Variants in FNBP1 observed in about 807,000 individuals in gnomAD.
FNBP1 encodes the protein formin-binding protein 1.
A neutral mutation model predicts 90.6 loss-of-function variants in FNBP1; 26 were observed. The observed-to-expected ratio is 0.29, with a 90% CI of 0.21 to 0.40. The LOEUF is 0.40. Ranked by LOEUF, FNBP1 falls within the 10% of genes least tolerant of loss-of-function variation. The probability of loss-of-function intolerance (pLI) is 1.00; values close to 1 mark genes in which losing one functional copy is unlikely to be tolerated. For missense variants in FNBP1, 635 were observed against 768.0 expected, an observed-to-expected ratio of 0.83 and a Z score of 2.05; for synonymous variants, 260 against 265.2, an observed-to-expected ratio of 0.98 and a Z score of 0.19.
At chr9:130,022,058 C>A (rs1589316229) in intron 1 of FNBP1, among the ~76,000 whole-genome samples, 1 of 152,120 alleles carries the variant, frequency 6.6e-6, no homozygotes, top group Admixed American at 6.6e-5. Flanking sequence ...AAGGTCTCAC[C>A]ATGTTGGCCA....
chr9:129,968,973 TCA>T (rs2049026769), intron 4 of FNBP1, among the ~76,000 whole-genome samples: 2 of 152,202 alleles, frequency 1.3e-5, no homozygotes, highest in African/African-American at 4.8e-5. Context: ...CACAAATTTC[TCA>T]TATATGATTA....
chr9:130,026,010 T>C (rs2058306180), intron 1 of FNBP1, among the ~76,000 whole-genome samples: 1 of 152,198 alleles, frequency 6.6e-6, no homozygotes, highest in Non-Finnish European at 1.5e-5. Context: ...CTAGTAGAGT[T>C]TATTTCGCAT....
At chr9:129,968,619 T>C (rs1240762155) in intron 4 of FNBP1, among the ~76,000 whole-genome samples, 2 of 152,196 alleles carry the variant, frequency 1.3e-5, no homozygotes, top group African/African-American at 2.4e-5. Flanking sequence ...TAGGACCTAT[T>C]GAATATCTAA....
intron 1 of FNBP1, among the ~76,000 whole-genome samples, chr9:130,020,663 T>A (rs1296610193): frequency 6.6e-6 from 1 of 152,162 alleles, no homozygotes; most frequent in Non-Finnish European, 1.5e-5. Flanking sequence ...CAACAAAAGT[T>A]ACCAATAGAA....
intron 1 of FNBP1, among the ~76,000 whole-genome samples, chr9:130,035,775 C>T (rs899178605): frequency 6.6e-6 from 1 of 152,080 alleles, no homozygotes; most frequent in African/African-American, 2.4e-5. Context: ...GGTGAAATCC[C>T]ATTTCTACTA....
At chr9:129,896,789 G>A (rs1050622996) in intron 15 of FNBP1, among the ~76,000 whole-genome samples, 8 of 151,834 alleles carry the variant, frequency 5.3e-5, no homozygotes, top group Admixed American at 4.6e-4. Context: ...GTGCCACCAC[G>A]CCCGGCTAAT....
chr9:129,969,787 A>AACC (rs2049162501), intron 4 of FNBP1, among the ~76,000 whole-genome samples: 1 of 151,990 alleles, frequency 6.6e-6, no homozygotes, highest in Admixed American at 6.6e-5. Flanking sequence ...TAAAAACAAA[A>AACC]ACGTATACTT....
chr9:130,013,295 A>G (rs1775309010), intron 1 of FNBP1, among the ~76,000 whole-genome samples: 1 of 152,188 alleles, frequency 6.6e-6, no homozygotes, highest in Non-Finnish European at 1.5e-5. Context: ...TGTTCTAAAA[A>G]GAGTCAAATA....
intron 1 of FNBP1, among the ~76,000 whole-genome samples, chr9:130,008,890 C>T (rs2056172661): frequency 6.6e-6 from 1 of 151,678 alleles, no homozygotes; most frequent in East Asian, 1.9e-4. Context: ...TCAAGACCGA[C>T]CCAGGAAAGG....
chr9:129,968,395 C>CAAAAAA (rs775896038), intron 4 of FNBP1, among the ~76,000 whole-genome samples: 1 of 69,128 alleles, frequency 1.4e-5, no homozygotes, highest in African/African-American at 5.1e-5. Flanking sequence ...AACTCCGTCT[C>CAAAAAA]AAAAAAAAAA....
At chr9:130,018,337 A>G (rs2057465470) in intron 1 of FNBP1, among the ~76,000 whole-genome samples, 1 of 152,072 alleles carries the variant, frequency 6.6e-6, no homozygotes, top group Non-Finnish European at 1.5e-5. Flanking sequence ...CTGTTGCATT[A>G]AGTACAATAC....
chr9:129,935,414 C>T (rs2043276544), intron 6 of FNBP1, among the ~76,000 whole-genome samples: 1 of 152,142 alleles, frequency 6.6e-6, no homozygotes, highest in African/African-American at 2.4e-5. Flanking sequence ...TTGCTCATTT[C>T]ACATGAGGCA....
chr9:129,967,625 A>G (rs777635877), intron 4 of FNBP1, among the ~76,000 whole-genome samples: 10 of 152,150 alleles, frequency 6.6e-5, no homozygotes, highest in Non-Finnish European at 1.3e-4. Context: ...CAAAGGTGCA[A>G]TGGTGATGCT....
intron 11 of FNBP1, among the ~76,000 whole-genome samples, chr9:129,915,741 TA>T (rs751162680): frequency 2.6e-5 from 4 of 152,206 alleles, no homozygotes; most frequent in Non-Finnish European, 5.9e-5. Context: ...AGTCGTGAGT[TA>T]AATGTTAATT....
At chr9:129,910,212 G>C in intron 11 of FNBP1, 1 of 456,124 alleles carries the variant, frequency 2.2e-6, no homozygotes, top group Non-Finnish European at 4.4e-6. Context: ...GCTGGGCACG[G>C]TGGCTCATGC....
In FNBP1 at chr9:129,929,700, G is replaced by C. The variant is rs1046397263; in HGVS notation, c.514-5C>G. ...TATTTGAGCTTGTTGTCGGGCCTTA[G>C]GGCAAAAACAAGAATACTCCTACGT... On this transcript the variant is annotated splice_region_variant and splice_polypyrimidine_tract_variant and intron_variant, in intron 6 of 16. Coordinates refer to ENST00000446176, the MANE Select transcript of FNBP1 (RefSeq NM_015033.3). 2 of 1,613,742 alleles carry C rather than the reference G, an allele frequency of 1.2e-6. No homozygotes were observed. The highest frequency in any genetic ancestry group is 1.7e-6 in the Non-Finnish European group (2 of 1,179,786).
chr9:130,026,277 T>A (rs563712007), intron 1 of FNBP1, among the ~76,000 whole-genome samples: 2 of 152,242 alleles, frequency 1.3e-5, no homozygotes, highest in East Asian at 3.9e-4. Flanking sequence ...GGTGATCATC[T>A]GAGGTCAGGA....
chr9:129,971,246 G>A (rs1214516136), intron 4 of FNBP1, among the ~76,000 whole-genome samples: 1 of 151,818 alleles, frequency 6.6e-6, no homozygotes, highest in Non-Finnish European at 1.5e-5. Context: ...CTACAGTTTT[G>A]TTCATCAGGA....
At chr9:129,891,498 T>C (rs2035104191) in intron 16 of FNBP1, among the ~76,000 whole-genome samples, 1 of 152,126 alleles carries the variant, frequency 6.6e-6, no homozygotes, top group African/African-American at 2.4e-5. Flanking sequence ...AATGCATCAA[T>C]TTCCTAGAAT....
Sources: gnomAD v4.1 joint callset for allele counts (sites outside exome capture counted in the v4.1 genomes callset) on GRCh38, gnomAD v4.1.1 for gene constraint, MANE v1.5 for transcripts, NCBI Gene and HGNC (gene_info 2026-07-23, HGNC 2026-07-21) for gene names.